The following TENM2 variants were observed in gnomAD, a reference collection of about 807,000 sequenced individuals.
TENM2 encodes teneurin transmembrane protein 2.
TENM2 carries 52 observed loss-of-function variants against 245.2 expected under a neutral mutation model. The ratio of observed to expected loss-of-function variants is 0.21; its 90% confidence interval spans 0.17 to 0.27. The LOEUF (loss-of-function observed/expected upper bound fraction) is 0.27, where lower values mean the gene tolerates loss of function less well. TENM2 is among the 10% of genes least tolerant of loss of function. TENM2 has a pLI of 1.00. For synonymous variants in TENM2, 1,363 were observed against 1,438.9 expected (o/e 0.95, Z 1.19); for missense variants, 3,046 against 3,666.8 (o/e 0.83, Z 4.37).
intron 2 of TENM2, among the ~76,000 whole-genome samples, chr5:167,708,532 T>G (rs753179011): frequency 2.0e-5 from 3 of 152,138 alleles, no homozygotes; most frequent in Non-Finnish European, 4.4e-5. Context: ...ATTCCTCACT[T>G]GCAGACATGG....
intron 1 of TENM2, among the ~76,000 whole-genome samples, chr5:167,313,212 C>G (rs1223919710): frequency 6.6e-6 from 1 of 152,090 alleles, no homozygotes; most frequent in African/African-American, 2.4e-5. Context: ...CTGACCTTGA[C>G]TCTTGGCTCA....
chr5:168,145,280 C>T (rs1002972568), intron 12 of TENM2, among the ~76,000 whole-genome samples: 4 of 144,832 alleles, frequency 2.8e-5, no homozygotes, highest in Non-Finnish European at 6.0e-5. Context: ...AATGGTAATG[C>T]CTAGGTTTTC....
Position 168,247,406 on chromosome 5 carries a change from C to G in TENM2, c.6467C>G (p.Thr2156Ser). 1.2e-6 allele frequency: 2 copies of G among 1,613,984 alleles called. No individual in the cohort carries two copies. The highest frequency in any genetic ancestry group is 2.2e-5 in the South Asian group (2 of 91,086). ...ATGACCCTCAGCAAACACTTCGACACCCATGGGCGGATCAAGGAGGTCCAG... is the reference window on the plus strand; with the variant it reads ...ATGACCCTCAGCAAACACTTCGACAGCCATGGGCGGATCAAGGAGGTCCAG... The change falls in exon 27 of 29, where the codon ACC becomes AGC. Residue 2156 changes from threonine (T) to serine (S), a missense_variant. Coordinates refer to ENST00000518659, the Ensembl canonical transcript of TENM2. The surrounding 1 kb of genome is among the most constrained non-coding windows in gnomAD (Gnocchi z 7.8).
chr5:167,403,303 C>T (rs545395509), intron 2 of TENM2, among the ~76,000 whole-genome samples: 1 of 128,588 alleles, frequency 7.8e-6, no homozygotes, highest in African/African-American at 3.4e-5. Flanking sequence ...GTCTGCCACC[C>T]TTGATTTTTG....
chr5:168,223,901 C>T (rs1763903540), intron 23 of TENM2, among the ~76,000 whole-genome samples: 1 of 146,614 alleles, frequency 6.8e-6, no homozygotes, highest in African/African-American at 2.5e-5. Context: ...CATATAGATA[C>T]TGATATTTTT....
chr5:168,029,730 CCTT>C (rs1483131135), intron 5 of TENM2, among the ~76,000 whole-genome samples: 1 of 152,174 alleles, frequency 6.6e-6, no homozygotes, highest in African/African-American at 2.4e-5. Flanking sequence ...TATCTGTCAT[CCTT>C]AACTGGCACC....
chr5:167,791,190 T>C (rs907703844), intron 2 of TENM2, among the ~76,000 whole-genome samples: 1 of 152,012 alleles, frequency 6.6e-6, no homozygotes, highest in African/African-American at 2.4e-5. Context: ...TTGAGTGATA[T>C]TTTAGCTATT....
intron 2 of TENM2, among the ~76,000 whole-genome samples, chr5:167,451,947 C>T (rs1765613709): frequency 6.6e-6 from 1 of 152,178 alleles, no homozygotes; most frequent in Admixed American, 6.5e-5. Flanking sequence ...CCGCGTCTGG[C>T]AGCAACTGAT....
chr5:167,988,344 C>T (rs72824964), intron 4 of TENM2, among the ~76,000 whole-genome samples: 3,892 of 152,154 alleles, frequency 0.026, 73 homozygotes, highest in Middle Eastern at 0.041. Flanking sequence ...TGACAGGATG[C>T]GGCGTGAACA....
the TENM2 span, among the ~76,000 whole-genome samples, chr5:167,069,637 G>A: frequency 6.6e-6 from 1 of 152,124 alleles, no homozygotes; most frequent in Non-Finnish European, 1.5e-5. Context: ...GCACAATTTT[G>A]TCTATTCCAA....
intron 1 of TENM2, among the ~76,000 whole-genome samples, chr5:167,333,975 A>G (rs1213642151): frequency 6.6e-6 from 1 of 152,220 alleles, no homozygotes; most frequent in Non-Finnish European, 1.5e-5. Flanking sequence ...ATGAGTTGAT[A>G]TACATATGTA....
At chr5:167,571,207 G>T (rs911227645) in intron 2 of TENM2, among the ~76,000 whole-genome samples, 7 of 152,142 alleles carry the variant, frequency 4.6e-5, no homozygotes, top group African/African-American at 1.7e-4. Flanking sequence ...CCACGGCACA[G>T]ACATTGTTTA....
At chr5:167,727,403 T>C (rs4285252) in intron 2 of TENM2, among the ~76,000 whole-genome samples, 29,109 of 152,170 alleles carry the variant, frequency 0.19, 3,167 homozygotes, top group East Asian at 0.42. Flanking sequence ...TGAGCCACCG[T>C]GCCCGGCCAT....
At chr5:167,432,856 T>A (rs1294363536) in intron 2 of TENM2, among the ~76,000 whole-genome samples, 1 of 152,160 alleles carries the variant, frequency 6.6e-6, no homozygotes, top group Non-Finnish European at 1.5e-5. Flanking sequence ...CCTTGACAAC[T>A]GCCCCACCAG....
chr5:168,014,586 C>A (rs771409982), intron 5 of TENM2, among the ~76,000 whole-genome samples: 1 of 152,130 alleles, frequency 6.6e-6, no homozygotes, highest in Non-Finnish European at 1.5e-5. Flanking sequence ...GCCTTAGAAA[C>A]GCAAATAAAA....
chr5:168,047,631 C>A, intron 6 of TENM2, 82 bp downstream of exon 8: 1 of 1,472,800 alleles, frequency 6.8e-7, no homozygotes, highest in South Asian at 1.3e-5. Context: ...TTTTCTAATC[C>A]AAATCTTGGA....
intron 2 of TENM2, among the ~76,000 whole-genome samples, chr5:167,691,519 C>A (rs1757427522): frequency 6.6e-6 from 1 of 152,154 alleles, no homozygotes; most frequent in Non-Finnish European, 1.5e-5. Flanking sequence ...GAATAGTGTG[C>A]AAATGAAGAT....
At chr5:167,971,582 T>C (rs4976565) in intron 4 of TENM2, among the ~76,000 whole-genome samples, 74,005 of 151,784 alleles carry the variant, frequency 0.49, 20,036 homozygotes, top group African/African-American at 0.71. Context: ...ACGCCTATAA[T>C]CCCAGCTACT....
At chr5:167,095,687 T>C in the TENM2 span, among the ~76,000 whole-genome samples, 1 of 151,994 alleles carries the variant, frequency 6.6e-6, no homozygotes, top group Non-Finnish European at 1.5e-5. Flanking sequence ...AGTGTTCAGT[T>C]TGAGTTTTGA....
Sources: allele counts gnomAD v4.1 joint callset (sites outside exome capture counted in the v4.1 genomes callset), GRCh38; gene constraint gnomAD v4.1.1; non-coding constraint Gnocchi (gnomAD v3.1); transcripts MANE v1.5; gene names NCBI Gene and HGNC (gene_info 2026-07-23, HGNC 2026-07-21).